Variants in GCFC2 observed in about 807,000 individuals in gnomAD.
The protein encoded by GCFC2 is intron Large complex component GCFC2.
In GCFC2, 102 loss-of-function variants were observed where a neutral mutation model predicts 99.4. That is an observed-to-expected ratio of 1.03 (90% CI 0.87 to 1.21). The LOEUF (loss-of-function observed/expected upper bound fraction) is 1.21. Ranked by LOEUF, GCFC2 falls within the 50% of genes most tolerant of loss-of-function variation. GCFC2 has a pLI of 0.00. For missense variants in GCFC2, 973 were observed against 920.9 expected (o/e 1.06, Z -0.73); for synonymous variants, 338 against 316.8 (o/e 1.07, Z -0.71).
rs543761914 is a variant in GCFC2, at chr2:75,701,350, A to G, written c.620-63T>C. ...TTTTCCATTTTAATTGCAGCAAGCCAACATTTTTTGAGATTATACAAAGGC... is the reference window on the plus strand; with the variant it reads ...TTTTCCATTTTAATTGCAGCAAGCCGACATTTTTTGAGATTATACAAAGGC... On this transcript the variant is annotated intron_variant, in intron 3 of 16. Coordinates refer to ENST00000321027, the MANE Select transcript of GCFC2 (RefSeq NM_003203.5). The G allele has an allele frequency of 2.1e-5, 19 of 912,112 alleles. No individual in the cohort carries two copies. The African/African-American group carries it at 3.1e-4, about 15-fold the overall frequency. The allele number at this position is 912,112 out of a possible 1,614,324, so 56.5% of individuals were successfully genotyped here. A position where few individuals can be genotyped will look rare whatever the true frequency, so the allele number is the denominator to read the frequency against.
intron 11 of GCFC2, among the ~76,000 whole-genome samples, chr2:75,685,833 C>G (rs1679789393): frequency 2.0e-5 from 3 of 152,142 alleles, no homozygotes; most frequent in African/African-American, 7.2e-5. Flanking sequence ...ATGTCCCAAA[C>G]TGAGCTGCTA....
upstream of GCFC2, among the ~76,000 whole-genome samples, chr2:75,712,488 C>T (rs963076669): frequency 3.9e-5 from 6 of 152,108 alleles, no homozygotes; most frequent in Non-Finnish European, 5.9e-5. Flanking sequence ...CAAAACAGGC[C>T]GCTGGGCTCT....
intron 11 of GCFC2, 120 bp from the exon 12 acceptor site, chr2:75,680,434 G>T: frequency 1.5e-6 from 1 of 686,642 alleles, no homozygotes; most frequent in Non-Finnish European, 2.4e-6. Context: ...AAGTTCCATG[G>T]CCAATTATTA....
intron 11 of GCFC2, 102 bp downstream of exon 11, chr2:75,687,724 GA>G (rs1202018562): frequency 1.1e-6 from 1 of 900,606 alleles, no homozygotes; most frequent in African/African-American, 1.7e-5. Context: ...ATTTCCTTGA[GA>G]TTAAAAACTT....
chr2:75,690,986 C>T (rs562466490), intron 7 of GCFC2: 1 of 290,342 alleles, frequency 3.4e-6, no homozygotes, highest in African/African-American at 2.2e-5. Flanking sequence ...AGTTCTACCA[C>T]AAAGTTTCGT....
At chr2:75,680,992 C>A (rs1573056587) in intron 11 of GCFC2, among the ~76,000 whole-genome samples, 1 of 152,194 alleles carries the variant, frequency 6.6e-6, no homozygotes, top group Non-Finnish European at 1.5e-5. Context: ...GATCCCAAGC[C>A]TTTTGGCTTA....
At chr2:75,669,521 T>C (rs1217257226) in intron 15 of GCFC2, among the ~76,000 whole-genome samples, 2 of 152,204 alleles carry the variant, frequency 1.3e-5, no homozygotes, top group African/African-American at 2.4e-5. Flanking sequence ...GTATATTTTA[T>C]AGTTTCATTT....
In GCFC2 at chr2:75,694,373, G is replaced by A. The variant is rs147763714; in HGVS notation, c.888C>T (p.Tyr296=). Reference sequence around the variant, plus strand: ...TCTTTGAGCTTTTGACATCTTGTACGTATTTTTCATACTCCCTCAGGTGTG... The same window carrying A: ...TCTTTGAGCTTTTGACATCTTGTACATATTTTTCATACTCCCTCAGGTGTG... ...HRSHLREYEK[Y]VQDVKSSKST... is the part of the protein sequence containing the mutation. The change falls in exon 6 of 17, where the codon TAC becomes TAT. Residue 296 remains tyrosine (Y), a synonymous_variant. Coordinates refer to ENST00000321027, the MANE Select transcript of GCFC2 (RefSeq NM_003203.5). The A allele has an allele frequency of 5.7e-5, 87 of 1,529,840 alleles. No homozygotes were observed. Among genetic ancestry groups the A allele is most frequent in the Non-Finnish European group, 7.0e-5 (78 of 1,121,328 alleles). 94.8% of individuals were successfully genotyped at this position (1,529,840 alleles called of 1,614,324 possible).
chr2:75,683,785 A>AG (rs1679689606), intron 11 of GCFC2, among the ~76,000 whole-genome samples: 2 of 150,834 alleles, frequency 1.3e-5, no homozygotes, highest in Admixed American at 6.6e-5. Flanking sequence ...AAAAAAAAAA[A>AG]AAAAAAAGAA....
At position 75,706,252 on chromosome 2, in the gene GCFC2, G is replaced by A. The variant is rs73939113; in HGVS notation, c.394+271C>T. Among the ~76,000 whole-genome samples, 1,058 of 152,206 alleles carry A rather than the reference G, an allele frequency of 7.0e-3. 8 individuals carry two copies. The highest frequency in any genetic ancestry group is 0.024 in the African/African-American group (1,011 of 41,522). On this transcript the variant is annotated intron_variant, in intron 2 of 16. Coordinates refer to ENST00000321027, the MANE Select transcript of GCFC2 (RefSeq NM_003203.5). Reference sequence around the variant, plus strand: ...CTGACAAATTCTTACCATCCTTCAAGTATCAATGTCAATCACCCAGTATAG... The same window carrying A: ...CTGACAAATTCTTACCATCCTTCAAATATCAATGTCAATCACCCAGTATAG...
At chr2:75,666,163 G>A (rs1244331351) in intron 15 of GCFC2, 110 bp from the exon 16 acceptor site, 8 of 747,922 alleles carry the variant, frequency 1.1e-5, no homozygotes, top group Non-Finnish European at 1.6e-5. Flanking sequence ...CCATTTTATA[G>A]TTTATGGTTA....
Position 75,664,723 on chromosome 2 carries a change from T to G in GCFC2, c.2289A>C (p.Glu763Asp), listed in dbSNP as rs774847202. 2 of 1,575,382 alleles carry G rather than the reference T, an allele frequency of 1.3e-6. No homozygotes were observed. Among genetic ancestry groups the G allele is most frequent in the South Asian group, 2.2e-5 (2 of 90,180 alleles). The change falls in exon 17 of 17, where the codon GAA becomes GAC. Residue 763 changes from glutamate (E) to aspartate (D), a missense_variant. Coordinates refer to ENST00000321027, the MANE Select transcript of GCFC2 (RefSeq NM_003203.5). The stretch of plus-strand genomic sequence containing the variant: ...CTAGGTGATGCTCTCCTATGAAGGA[T>G]TCTGCTTGATTCAAAGCTTTTATTT... Reference protein sequence around the residue: ...LVKIKALNQAESFIGEHHLDH... With the variant: ...LVKIKALNQADSFIGEHHLDH...
intron 11 of GCFC2, among the ~76,000 whole-genome samples, chr2:75,683,053 A>G (rs1310438024): frequency 6.6e-6 from 1 of 151,888 alleles, no homozygotes; most frequent in Non-Finnish European, 1.5e-5. Flanking sequence ...TCCCCAACAC[A>G]GCAAGGCAGG....
intron 12 of GCFC2, among the ~76,000 whole-genome samples, chr2:75,676,103 T>C (rs1186817614): frequency 2.6e-5 from 4 of 152,200 alleles, no homozygotes; most frequent in Non-Finnish European, 4.4e-5. Context: ...TACTTCTGTA[T>C]GTGTGTTTGC....
intron 5 of GCFC2, among the ~76,000 whole-genome samples, chr2:75,695,150 C>T (rs943092626): frequency 6.6e-5 from 10 of 152,234 alleles, no homozygotes; most frequent in Middle Eastern, 3.4e-3. Context: ...TTCTAGGGGG[C>T]TGGCAAACTA....
In GCFC2 at chr2:75,674,437, C is replaced by T. The variant is rs76859449; in HGVS notation, c.1813-917G>A. 7.9e-3 allele frequency among the ~76,000 whole-genome samples: 1,203 copies of T among 151,822 alleles called. 12 individuals carry two copies. The highest frequency in any genetic ancestry group is 0.027 in the African/African-American group (1,133 of 41,376). Reference sequence around the variant, plus strand: ...CTACAGTAACAGACAACTATAAATACGCAATGAGATAACATTAAGCAGAAG... The same window carrying T: ...CTACAGTAACAGACAACTATAAATATGCAATGAGATAACATTAAGCAGAAG... On this transcript the variant is annotated intron_variant, in intron 12 of 16. Coordinates refer to ENST00000321027, the MANE Select transcript of GCFC2 (RefSeq NM_003203.5).
At chr2:75,673,264 C>T (rs374664225) in intron 13 of GCFC2, among the ~76,000 whole-genome samples, 180 bp downstream of exon 13, 78 of 151,434 alleles carry the variant, frequency 5.2e-4, no homozygotes, top group African/African-American at 1.7e-3. Flanking sequence ...GCCGAGATCG[C>T]GCCACTGCAC....
intron 12 of GCFC2, among the ~76,000 whole-genome samples, chr2:75,679,471 C>G (rs944848793): frequency 6.6e-6 from 1 of 152,148 alleles, no homozygotes; most frequent in Non-Finnish European, 1.5e-5. Flanking sequence ...TGAGAAGATT[C>G]TCAGCAACAT....
intron 8 of GCFC2, 72 bp from the exon 9 acceptor site, chr2:75,690,153 T>G: frequency 1.3e-6 from 1 of 791,496 alleles, no homozygotes; most frequent in Non-Finnish European, 2.1e-6. Context: ...CCTAAATTTT[T>G]TTTAACCTCT....
Sources: allele counts gnomAD v4.1 joint callset (sites outside exome capture counted in the v4.1 genomes callset), GRCh38; gene constraint gnomAD v4.1.1; transcripts MANE v1.5; gene names NCBI Gene and HGNC (gene_info 2026-07-23, HGNC 2026-07-21).